The following GALNT13 variants were observed in gnomAD, a reference collection of about 807,000 sequenced individuals.
GALNT13 encodes UDP-GalNAc:polypeptide N-acetylgalactosaminyltransferase 13.
In GALNT13, 28 loss-of-function variants were observed where a neutral mutation model predicts 64.2. That is an observed-to-expected ratio of 0.44 (90% CI 0.32 to 0.60). The LOEUF (loss-of-function observed/expected upper bound fraction) is 0.60. Among genes scored for constraint, GALNT13 ranks in the 20% least tolerant of loss-of-function variants. The probability of loss-of-function intolerance (pLI) is 0.05; values close to 1 mark genes in which losing one functional copy is unlikely to be tolerated. For synonymous variants in GALNT13, 214 were observed against 224.6 expected (o/e 0.95, Z 0.42); for missense variants, 577 against 669.8 (o/e 0.86, Z 1.53).
At chr2:153,153,532 T>G in the GALNT13 span, among the ~76,000 whole-genome samples, 95 of 152,242 alleles carry the variant, frequency 6.2e-4, no homozygotes, top group African/African-American at 2.2e-3. Flanking sequence ...GGGTTTTACA[T>G]TTAAGTCTTT....
the GALNT13 span, among the ~76,000 whole-genome samples, chr2:153,570,386 A>C: frequency 6.6e-6 from 1 of 151,972 alleles, no homozygotes. Flanking sequence ...ATTTTCCCCC[A>C]TTCTGTGGGT....
At chr2:153,796,342 T>C in the GALNT13 span, among the ~76,000 whole-genome samples, 2 of 152,174 alleles carry the variant, frequency 1.3e-5, no homozygotes, top group Non-Finnish European at 2.9e-5. Flanking sequence ...ACACAAAACA[T>C]GCGAAAGGTG....
intron 4 of GALNT13, among the ~76,000 whole-genome samples, chr2:154,226,615 C>A (rs972547760): frequency 6.6e-6 from 1 of 151,958 alleles, no homozygotes; most frequent in Non-Finnish European, 1.5e-5. Flanking sequence ...TTAAACCTTG[C>A]GATTACTATT....
chr2:153,434,025 T>C, the GALNT13 span, among the ~76,000 whole-genome samples: 2 of 152,152 alleles, frequency 1.3e-5, no homozygotes, highest in East Asian at 3.9e-4. Flanking sequence ...TTCCCCTTGT[T>C]GTGTTCATGT....
chr2:153,418,796 T>C, the GALNT13 span, among the ~76,000 whole-genome samples: 1 of 152,046 alleles, frequency 6.6e-6, no homozygotes, highest in African/African-American at 2.4e-5. Context: ...AGGCAGAGGT[T>C]ACAGTGTGCC....
chr2:153,221,149 G>T, the GALNT13 span, among the ~76,000 whole-genome samples: 1 of 152,106 alleles, frequency 6.6e-6, no homozygotes, highest in African/African-American at 2.4e-5. Context: ...CTTAAAAGCT[G>T]AAACAGAAAA....
At chr2:153,174,864 C>T in the GALNT13 span, among the ~76,000 whole-genome samples, 1 of 152,018 alleles carries the variant, frequency 6.6e-6, no homozygotes, top group Non-Finnish European at 1.5e-5. Flanking sequence ...CTACCAAGCA[C>T]CTCAAAATTC....
At chr2:153,803,711 AAAAG>A in the GALNT13 span, among the ~76,000 whole-genome samples, 3 of 133,888 alleles carry the variant, frequency 2.2e-5, no homozygotes, top group African/African-American at 8.2e-5. Flanking sequence ...AAAAAAAAGA[AAAAG>A]AAAAAAGAAA....
the GALNT13 span, among the ~76,000 whole-genome samples, chr2:153,847,804 G>A: frequency 6.6e-6 from 1 of 152,166 alleles, no homozygotes; most frequent in Non-Finnish European, 1.5e-5. Context: ...AATGTATTGA[G>A]AAATGCTTCA....
the GALNT13 span, among the ~76,000 whole-genome samples, chr2:153,071,005 T>A: frequency 6.6e-6 from 1 of 151,982 alleles, no homozygotes; most frequent in East Asian, 1.9e-4. Context: ...TTATTTAGCC[T>A]ATAGGCATTT....
the GALNT13 span, among the ~76,000 whole-genome samples, chr2:153,239,835 T>G: frequency 6.6e-6 from 1 of 152,222 alleles, no homozygotes; most frequent in Non-Finnish European, 1.5e-5. Context: ...AATATTGGCC[T>G]CATAGAATGA....
At chr2:153,960,858 A>C (rs1463488692) in intron 3 of GALNT13, among the ~76,000 whole-genome samples, 2 of 152,214 alleles carry the variant, frequency 1.3e-5, no homozygotes, top group African/African-American at 4.8e-5. Flanking sequence ...ATAAAGATTC[A>C]TACTGAAGTT....
At chr2:153,149,746 A>C in the GALNT13 span, among the ~76,000 whole-genome samples, 1 of 151,830 alleles carries the variant, frequency 6.6e-6, no homozygotes, top group Non-Finnish European at 1.5e-5. Flanking sequence ...TATGCCCTGC[A>C]CTTTACCTTA....
chr2:154,275,000 T>C (rs1691562733), intron 8 of GALNT13, among the ~76,000 whole-genome samples: 1 of 152,166 alleles, frequency 6.6e-6, no homozygotes, highest in Non-Finnish European at 1.5e-5. Context: ...AGGTCACTCT[T>C]GCTATGCAAA....
chr2:153,087,667 A>T, the GALNT13 span, among the ~76,000 whole-genome samples: 2 of 151,772 alleles, frequency 1.3e-5, no homozygotes, highest in Admixed American at 6.6e-5. Context: ...CTATCTGTTC[A>T]GTGTTTTTAT....
the GALNT13 span, among the ~76,000 whole-genome samples, chr2:153,856,285 G>T: frequency 6.6e-6 from 1 of 152,128 alleles, no homozygotes; most frequent in African/African-American, 2.4e-5. Context: ...TGGTAGGTAG[G>T]CAGGTAAATA....
intron 9 of GALNT13, among the ~76,000 whole-genome samples, chr2:154,331,942 A>G (rs1395914196): frequency 6.6e-6 from 1 of 152,132 alleles, no homozygotes; most frequent in Non-Finnish European, 1.5e-5. Context: ...ATTAAGGAAT[A>G]AATTCATTTG....
chr2:154,401,199 AT>A (rs1699287144), intron 10 of GALNT13, among the ~76,000 whole-genome samples: 1 of 152,114 alleles, frequency 6.6e-6, no homozygotes, highest in East Asian at 1.9e-4. Flanking sequence ...TGAAGAGCAA[AT>A]TTACATAATG....
At chr2:153,314,389 C>T in the GALNT13 span, among the ~76,000 whole-genome samples, 7 of 151,990 alleles carry the variant, frequency 4.6e-5, no homozygotes, top group South Asian at 2.1e-4. Context: ...GACATTAGAT[C>T]GGCAAAGAAG....
Sources: gnomAD v4.1 joint callset for allele counts (sites outside exome capture counted in the v4.1 genomes callset) on GRCh38, gnomAD v4.1.1 for gene constraint, MANE v1.5 for transcripts, NCBI Gene and HGNC (gene_info 2026-07-23, HGNC 2026-07-21) for gene names.